Variants in TCF20 observed in about 807,000 individuals in gnomAD.
TCF20 encodes the protein transcription factor 20.
TCF20 carries 3 observed loss-of-function variants against 148.6 expected under a neutral mutation model. That is an observed-to-expected ratio of 0.02 (90% CI 0.01 to 0.05). The LOEUF (loss-of-function observed/expected upper bound fraction) is 0.05. Among genes scored for constraint, TCF20 ranks in the 10% least tolerant of loss-of-function variants. The pLI, the probability that TCF20 is intolerant of heterozygous loss-of-function variation, is 1.00. For synonymous variants in TCF20, 1,049 were observed against 909.5 expected (o/e 1.15, Z -2.76); for missense variants, 2,350 against 2,429.3 (o/e 0.97, Z 0.69).
chr22:42,284,144 G>C (rs796118499), upstream of TCF20, among the ~76,000 whole-genome samples: 1 of 152,142 alleles, frequency 6.6e-6, no homozygotes, highest in Admixed American at 6.5e-5. Context: ...GAGGAGGGAG[G>C]GGAGCACCCG....
intron 1 of TCF20, among the ~76,000 whole-genome samples, chr22:42,322,532 T>C (rs1278679563): frequency 3.3e-5 from 5 of 151,728 alleles, no homozygotes; most frequent in African/African-American, 1.2e-4. Context: ...CTGAGAAAGG[T>C]TGGGCAGAGG....
chr22:42,219,684 TATC>T (rs1922172856), intron 1 of TCF20, among the ~76,000 whole-genome samples: 1 of 151,760 alleles, frequency 6.6e-6, no homozygotes, highest in Non-Finnish European at 1.5e-5. Context: ...GGCGAAACCC[TATC>T]TTTATAAAAA....
chr22:42,206,960 A>G (rs1450248125), intron 2 of TCF20, among the ~76,000 whole-genome samples: 1 of 152,170 alleles, frequency 6.6e-6, no homozygotes, highest in Non-Finnish European at 1.5e-5. Flanking sequence ...GGAAGCTGGA[A>G]ACATGAGAGA....
At chr22:42,202,039 C>T (rs1938066072) in intron 2 of TCF20, among the ~76,000 whole-genome samples, 4 of 152,166 alleles carry the variant, frequency 2.6e-5, no homozygotes, top group Admixed American at 2.0e-4. Flanking sequence ...CACCCTTCCC[C>T]CCGCAGCAAA....
At chr22:42,276,877 G>A (rs1926791716) in intron 1 of TCF20, 1 of 152,094 alleles carries the variant, frequency 6.6e-6, no homozygotes, top group Non-Finnish European at 1.5e-5. Context: ...CTCTTAACTG[G>A]TCCTCGACTG....
chr22:42,232,267 T>C (rs1287023821), intron 1 of TCF20, among the ~76,000 whole-genome samples: 1 of 152,118 alleles, frequency 6.6e-6, no homozygotes, highest in East Asian at 1.9e-4. Context: ...CCACATAGCC[T>C]AGATGGGCAG....
chr22:42,204,278 T>C (rs1409503082), intron 2 of TCF20, among the ~76,000 whole-genome samples: 1 of 152,144 alleles, frequency 6.6e-6, no homozygotes, highest in Non-Finnish European at 1.5e-5. Context: ...GTGGATTCCT[T>C]AAGGTCAGGA....
At chr22:42,275,781 A>C (rs1035985682) in intron 1 of TCF20, among the ~76,000 whole-genome samples, 3 of 152,202 alleles carry the variant, frequency 2.0e-5, no homozygotes, top group African/African-American at 4.8e-5. Flanking sequence ...CAAAGCCCCC[A>C]CAGAGTCACT....
chr22:42,169,506 C>T (rs559109712), intron 4 of TCF20, among the ~76,000 whole-genome samples: 2 of 152,368 alleles, frequency 1.3e-5, no homozygotes, highest in East Asian at 1.9e-4. Flanking sequence ...ACTTACCAAA[C>T]GCCAACCTGT....
chr22:42,163,964 T>A (rs989583984), intron 5 of TCF20, among the ~76,000 whole-genome samples: 2 of 152,054 alleles, frequency 1.3e-5, no homozygotes, highest in Non-Finnish European at 2.9e-5. Flanking sequence ...CGGGACGCCA[T>A]CCTCGCGTCC....
At position 42,213,287 on chromosome 22, in the gene TCF20, G is replaced by A. The variant is rs745350602; in HGVS notation, c.2019C>T (p.Ser673=). ...GGCCATTTCCTTCTCCATTATGGTT[G>A]GAGTTGTTATCGCCATTCTTGTTTC... ...SKGNKNGDNN[S]NHNGEGNGQS... Residue 673 remains serine (S), a synonymous_variant, in exon 2 of 6, where the codon TCC becomes TCT. Transcript: ENST00000677622. 1 of 1,614,176 alleles carries A rather than the reference G, an allele frequency of 6.2e-7. No homozygotes were observed. The highest frequency in any genetic ancestry group is 8.5e-7 in the Non-Finnish European group (1 of 1,180,044).
Position 42,292,761 on chromosome 22 carries a change from C to T in TCF20, c.-37+50718G>A, listed in dbSNP as rs995721169. On this transcript the variant is annotated intron_variant, in intron 1 of 1. Transcript: ENST00000515426. The surrounding 1 kb of genome is among the most constrained non-coding windows in gnomAD (Gnocchi z 4.9). ...ATTGGATTCTCAGGCCTCTCTGCTC[C>T]CAGCCAGCCCCTCTGCGCCTCCAGG... Among the ~76,000 whole-genome samples the T allele has an allele frequency of 1.4e-4, 22 of 151,920 alleles. No homozygotes were observed. The highest frequency in any genetic ancestry group is 1.3e-4 in the Non-Finnish European group (9 of 67,984).
At chr22:42,229,161 G>A (rs1285347793) in intron 1 of TCF20, among the ~76,000 whole-genome samples, 1 of 152,098 alleles carries the variant, frequency 6.6e-6, no homozygotes, top group Non-Finnish European at 1.5e-5. Flanking sequence ...GCAGTGGGGG[G>A]GTCCCAAGCA....
At chr22:42,165,978 G>T (rs1332514059) in intron 5 of TCF20, among the ~76,000 whole-genome samples, 1 of 152,146 alleles carries the variant, frequency 6.6e-6, no homozygotes, top group Non-Finnish European at 1.5e-5. Flanking sequence ...CCCAATAATG[G>T]TGGCTCTCTG....
chr22:42,186,135 T>C (rs942226060), intron 2 of TCF20, among the ~76,000 whole-genome samples: 3 of 152,242 alleles, frequency 2.0e-5, no homozygotes, highest in Admixed American at 6.5e-5. Flanking sequence ...TAAGGGCTAA[T>C]TGTGTGTACT....
At chr22:42,200,360 A>G (rs1039905659) in intron 2 of TCF20, among the ~76,000 whole-genome samples, 1 of 151,898 alleles carries the variant, frequency 6.6e-6, no homozygotes, top group East Asian at 1.9e-4. Context: ...AAATCTATCA[A>G]CTTTAGCCGG....
In TCF20 at chr22:42,276,136, A is replaced by G. The variant is rs578162417; in HGVS notation, c.-37+7691T>C. ...GGAAGGCAGTGCCACATGCTGAGGC[A>G]TGCTGGGAAAAGACTTTGTTCCATC... On this transcript the variant is annotated intron_variant, in intron 1 of 5. Transcript: ENST00000359486. Among the ~76,000 whole-genome samples, 23 of 152,362 alleles carry G rather than the reference A, an allele frequency of 1.5e-4. No homozygotes were observed. The South Asian group carries it at 4.8e-3, about 32-fold the overall frequency.
chr22:42,195,718 T>G (rs1231575953), intron 2 of TCF20, among the ~76,000 whole-genome samples: 1 of 152,118 alleles, frequency 6.6e-6, no homozygotes, highest in Non-Finnish European at 1.5e-5. Context: ...CAGGCTAGTC[T>G]CAAACTCCTG....
chr22:42,252,506 C>T (rs896702351), intron 1 of TCF20, among the ~76,000 whole-genome samples: 2 of 152,066 alleles, frequency 1.3e-5, no homozygotes, highest in African/African-American at 4.8e-5. Context: ...GGCTGGAGTG[C>T]AGTGGCACAT....
Sources: gnomAD v4.1 joint callset for allele counts (sites outside exome capture counted in the v4.1 genomes callset) on GRCh38, gnomAD v4.1.1 for gene constraint, Gnocchi (gnomAD v3.1) non-coding constraint, MANE v1.5 for transcripts, NCBI Gene and HGNC (gene_info 2026-07-23, HGNC 2026-07-21) for gene names.